BMAL2: variants seen among roughly 807,000 people sequenced by gnomAD.
BMAL2 encodes basic helix-loop-helix ARNT-like protein 2.
chr12:27,370,220 A>C, the BMAL2 span: 2 of 1,612,860 alleles, frequency 1.2e-6, no homozygotes, highest in Non-Finnish European at 1.7e-6. Flanking sequence ...ATCAGCCTCC[A>C]GTGGCAGCAG....
chr12:27,357,158 G>C, the BMAL2 span, among the ~76,000 whole-genome samples: 7,403 of 152,158 alleles, frequency 0.049, 453 homozygotes, highest in East Asian at 0.34. Flanking sequence ...CTTGATTGAT[G>C]GGCATTTGTG....
the BMAL2 span, chr12:27,387,167 T>TGTGC: frequency 1.1e-5 from 11 of 1,035,760 alleles, no homozygotes; most frequent in Non-Finnish European, 1.4e-5. Context: ...TGTGTGTGTG[T>TGTGC]GTGCGTGTGT....
the BMAL2 span, among the ~76,000 whole-genome samples, chr12:27,347,505 A>G: frequency 2.0e-5 from 3 of 152,150 alleles, no homozygotes; most frequent in Non-Finnish European, 4.4e-5. Context: ...TCTTGTTCAC[A>G]GTAGGTGCTT....
chr12:27,333,029 G>A, the BMAL2 span: 1 of 1,189,846 alleles, frequency 8.4e-7, no homozygotes, highest in Middle Eastern at 3.3e-4. Context: ...GCTCCTCCAT[G>A]CTGCCAGCCG....
At chr12:27,405,710 C>T in the BMAL2 span, among the ~76,000 whole-genome samples, 145 of 152,174 alleles carry the variant, frequency 9.5e-4, no homozygotes, top group Middle Eastern at 3.2e-3. Flanking sequence ...TTCAAAGGAA[C>T]GCAGCTCCTT....
the BMAL2 span, among the ~76,000 whole-genome samples, chr12:27,354,636 T>C: frequency 6.6e-6 from 1 of 152,152 alleles, no homozygotes; most frequent in Non-Finnish European, 1.5e-5. Context: ...ACTTAAAATA[T>C]TGTATAAAAT....
the BMAL2 span, among the ~76,000 whole-genome samples, chr12:27,347,102 A>G: frequency 6.6e-6 from 1 of 152,142 alleles, no homozygotes; most frequent in Non-Finnish European, 1.5e-5. Context: ...CATGAGCCAA[A>G]TAAACCCTTT....
chr12:27,421,206 G>A, the BMAL2 span: 1 of 152,130 alleles, frequency 6.6e-6, no homozygotes, highest in Non-Finnish European at 1.5e-5. Flanking sequence ...AGAAAAGGAA[G>A]GATCTTGGGC....
the BMAL2 span, chr12:27,403,664 T>G: frequency 2.0e-6 from 1 of 505,548 alleles, no homozygotes; most frequent in East Asian, 3.4e-5. Context: ...TGGAAAATAT[T>G]ATCTTTACAG....
chr12:27,379,488 C>T, the BMAL2 span, among the ~76,000 whole-genome samples: 1 of 152,038 alleles, frequency 6.6e-6, no homozygotes, highest in Admixed American at 6.6e-5. Context: ...CAAGTAAGAG[C>T]TGGGTGAGGA....
At chr12:27,401,247 T>A in the BMAL2 span, 1 of 1,609,972 alleles carries the variant, frequency 6.2e-7, no homozygotes, top group Non-Finnish European at 8.5e-7. Context: ...ATTTTCAATT[T>A]TGAAACCAGG....
the BMAL2 span, among the ~76,000 whole-genome samples, chr12:27,403,777 A>T: frequency 6.6e-6 from 1 of 152,164 alleles, no homozygotes; most frequent in African/African-American, 2.4e-5. Flanking sequence ...ATATAACTTC[A>T]GATATAAGCT....
At chr12:27,419,280 A>G in the BMAL2 span, among the ~76,000 whole-genome samples, 1 of 152,224 alleles carries the variant, frequency 6.6e-6, no homozygotes, top group Non-Finnish European at 1.5e-5. Flanking sequence ...GTAATTTGTA[A>G]TAAACAGAAA....
the BMAL2 span, among the ~76,000 whole-genome samples, chr12:27,333,814 T>C: frequency 6.6e-6 from 1 of 152,224 alleles, no homozygotes; most frequent in East Asian, 1.9e-4. Flanking sequence ...TTTTTGTGAA[T>C]GGAGTTGGAA....
At chr12:27,345,726 C>T in the BMAL2 span, among the ~76,000 whole-genome samples, 189 of 152,234 alleles carry the variant, frequency 1.2e-3, 1 homozygote, top group African/African-American at 4.3e-3. Flanking sequence ...GGGTCTCCAA[C>T]TCCTGGGCTC....
the BMAL2 span, chr12:27,420,602 A>C: frequency 2.1e-6 from 3 of 1,462,610 alleles, no homozygotes; most frequent in Non-Finnish European, 2.8e-6. Flanking sequence ...TGTCTCAACT[A>C]TTCTTAAGTA....
the BMAL2 span, among the ~76,000 whole-genome samples, chr12:27,339,862 C>CT: frequency 1.3e-5 from 2 of 151,282 alleles, no homozygotes; most frequent in African/African-American, 4.9e-5. Context: ...TGATGTTGAG[C>CT]TTTTTTTTTA....
the BMAL2 span, among the ~76,000 whole-genome samples, chr12:27,395,781 T>C: frequency 6.6e-6 from 1 of 152,240 alleles, no homozygotes; most frequent in Admixed American, 6.5e-5. Context: ...GTAGTTGAAT[T>C]CTGGGAGGAA....
chr12:27,403,489 G>A, the BMAL2 span: 12 of 1,611,350 alleles, frequency 7.4e-6, no homozygotes, highest in Non-Finnish European at 1.0e-5. Context: ...AACAGTACTT[G>A]GTGCTGGTAG....
Sources: allele counts gnomAD v4.1 joint callset (sites outside exome capture counted in the v4.1 genomes callset), GRCh38; gene constraint gnomAD v4.1.1; transcripts MANE v1.5; gene names NCBI Gene and HGNC (gene_info 2026-07-23, HGNC 2026-07-21).